The following ANKFY1 variants were observed in gnomAD, a reference collection of about 807,000 sequenced individuals.
ANKFY1 encodes the protein ankyrin repeat and FYVE domain-containing protein 1.
In ANKFY1, 47 loss-of-function variants were observed where a neutral mutation model predicts 128.3. The observed-to-expected ratio is 0.37, with a 90% CI of 0.29 to 0.47. The LOEUF (loss-of-function observed/expected upper bound fraction) is 0.47. Ranked by LOEUF, ANKFY1 falls within the 20% of genes least tolerant of loss-of-function variation. The pLI, the probability that ANKFY1 is intolerant of heterozygous loss-of-function variation, is 1.00. For missense variants in ANKFY1, 1,222 were observed against 1,510.6 expected, an observed-to-expected ratio of 0.81 and a Z score of 3.17; for synonymous variants, 553 against 601.6, an observed-to-expected ratio of 0.92 and a Z score of 1.18.
At position 4,183,858 on chromosome 17, in the gene ANKFY1, G is replaced by A. The variant is rs772833148; in HGVS notation, c.1752C>T (p.Leu584=). 1 of 1,614,120 alleles carries A rather than the reference G, an allele frequency of 6.2e-7. No homozygotes were observed. The highest frequency in any genetic ancestry group is 2.2e-5 in the East Asian group (1 of 44,888). ...GCACAGTCTGGTCTCGGGAATCTTT[G>A]AGGCTGAAGTCCGGAATGATCTGCA... is the stretch of plus-strand genomic sequence containing the variant. ...NNLQIIPDFS[L]KDSRDQTVLG... The change falls in exon 13 of 25, where the codon CTC becomes CTT. Residue 584 remains leucine, a synonymous_variant. Transcript: ENST00000341657.
In ANKFY1 at chr17:4,167,769, G is replaced by T. The variant is rs149788482; in HGVS notation, c.*10C>A. The T allele has an allele frequency of 1.2e-6, 2 of 1,610,612 alleles. No homozygotes were observed. Among genetic ancestry groups the T allele is most frequent in the African/African-American group, 2.7e-5 (2 of 74,814 alleles). ...ACCAAGGACGTGGCCTGGACCCTCC[G>T]GGGGGCTCACTAAGAAACCCCACCC... On this transcript the variant is annotated 3_prime_UTR_variant, in exon 25 of 25. Transcript: ENST00000341657. The surrounding 1 kb of genome is among the most constrained non-coding windows in gnomAD (Gnocchi z 4.1).
At chr17:4,232,987 A>G (rs1025907898) in intron 3 of ANKFY1, among the ~76,000 whole-genome samples, 13 of 152,106 alleles carry the variant, frequency 8.5e-5, no homozygotes, top group African/African-American at 2.9e-4. Flanking sequence ...ACAGTATCCC[A>G]GAAGTCAGAT....
intron 19 of ANKFY1, among the ~76,000 whole-genome samples, chr17:4,175,574 C>G (rs968715154): frequency 6.6e-6 from 1 of 152,198 alleles, no homozygotes; most frequent in Non-Finnish European, 1.5e-5. Context: ...TGTGTACAGG[C>G]ACTGCCTCTG....
chr17:4,249,525 C>T (rs1283066914), intron 1 of ANKFY1, among the ~76,000 whole-genome samples: 1 of 152,188 alleles, frequency 6.6e-6, no homozygotes, highest in African/African-American at 2.4e-5. Flanking sequence ...AGAGGCCATA[C>T]AAGCCCTGTC....
chr17:4,187,093 C>T (rs921499689), intron 11 of ANKFY1: 3 of 1,023,492 alleles, frequency 2.9e-6, no homozygotes, highest in African/African-American at 3.3e-5. Flanking sequence ...TGTTAGTGCA[C>T]CCGTCACCTG....
chr17:4,212,395 A>G (rs2060149059), intron 4 of ANKFY1, among the ~76,000 whole-genome samples: 1 of 152,208 alleles, frequency 6.6e-6, no homozygotes, highest in Non-Finnish European at 1.5e-5. Flanking sequence ...CCTCTATAAA[A>G]TAAAGATGTT....
At chr17:4,247,482 C>T (rs1288708823) in intron 1 of ANKFY1, among the ~76,000 whole-genome samples, 1 of 152,168 alleles carries the variant, frequency 6.6e-6, no homozygotes, top group Non-Finnish European at 1.5e-5. Flanking sequence ...CACCCGGCAG[C>T]TTTTGTCGGG....
At chr17:4,189,326 C>T in intron 11 of ANKFY1, 56 bp downstream of exon 11, 1 of 1,445,014 alleles carries the variant, frequency 6.9e-7, no homozygotes, top group Non-Finnish European at 9.5e-7. Flanking sequence ...ATATCCACCA[C>T]TGCCATTTCT....
At chr17:4,180,474 A>T (rs3931097) in intron 16 of ANKFY1, 76,126 of 151,632 alleles carry the variant, frequency 0.5, 21,376 homozygotes, top group East Asian at 0.75. Context: ...TGAAAACCAT[A>T]AAGTTTGAGC....
At chr17:4,241,005 A>C (rs1967182404) in intron 2 of ANKFY1, among the ~76,000 whole-genome samples, 1 of 152,216 alleles carries the variant, frequency 6.6e-6, no homozygotes, top group African/African-American at 2.4e-5. Flanking sequence ...AACTCACTTA[A>C]TAACAAAAGC....
chr17:4,223,119 G>C, intron 3 of ANKFY1: 1 of 749,790 alleles, frequency 1.3e-6, no homozygotes, highest in South Asian at 1.5e-5. Context: ...ACAAGCATTG[G>C]TCGAAACAAA....
chr17:4,233,213 A>G (rs550812724), intron 3 of ANKFY1, among the ~76,000 whole-genome samples: 2 of 152,184 alleles, frequency 1.3e-5, no homozygotes, highest in African/African-American at 4.8e-5. Flanking sequence ...AATATTTTCC[A>G]TATATTTATT....
intron 1 of ANKFY1, among the ~76,000 whole-genome samples, chr17:4,246,597 T>G (rs935408144): frequency 6.6e-6 from 1 of 152,136 alleles, no homozygotes; most frequent in African/African-American, 2.4e-5. Flanking sequence ...GTTTCCACAG[T>G]GGTAACCTTT....
chr17:4,243,521 A>G (rs1428708559), intron 1 of ANKFY1, among the ~76,000 whole-genome samples: 1 of 152,144 alleles, frequency 6.6e-6, no homozygotes, highest in Non-Finnish European at 1.5e-5. Context: ...TGACAAGCCT[A>G]TGAGGTAGGT....
intron 4 of ANKFY1, among the ~76,000 whole-genome samples, chr17:4,216,284 C>T (rs1421935659): frequency 6.6e-6 from 1 of 152,178 alleles, no homozygotes; most frequent in Non-Finnish European, 1.5e-5. Flanking sequence ...TTTATGCACC[C>T]AAGGGAATAC....
At chr17:4,256,018 A>G (rs1003916823) in intron 1 of ANKFY1, among the ~76,000 whole-genome samples, 3 of 151,800 alleles carry the variant, frequency 2.0e-5, no homozygotes, top group African/African-American at 7.3e-5. Context: ...GGGTTTCACC[A>G]TGTTGCTCAG....
chr17:4,209,172 CTG>C (rs961982041), intron 5 of ANKFY1, among the ~76,000 whole-genome samples: 5 of 152,258 alleles, frequency 3.3e-5, no homozygotes, highest in African/African-American at 1.2e-4. Context: ...AGCTCTGAAA[CTG>C]TGCTGCTGAA....
At chr17:4,193,735 A>G (rs1214035019) in intron 10 of ANKFY1, among the ~76,000 whole-genome samples, 1 of 148,496 alleles carries the variant, frequency 6.7e-6, no homozygotes, top group Non-Finnish European at 1.5e-5. Flanking sequence ...CTGACCTTTA[A>G]TTTTTTTTTA....
At chr17:4,172,943 T>G (rs1317439951) in intron 21 of ANKFY1, among the ~76,000 whole-genome samples, 1 of 152,204 alleles carries the variant, frequency 6.6e-6, no homozygotes, top group Non-Finnish European at 1.5e-5. Flanking sequence ...CACTGCAAGC[T>G]CCGCCTCCCG....
Sources: gnomAD v4.1 joint callset for allele counts (sites outside exome capture counted in the v4.1 genomes callset) on GRCh38, gnomAD v4.1.1 for gene constraint, Gnocchi (gnomAD v3.1) non-coding constraint, MANE v1.5 for transcripts, NCBI Gene and HGNC (gene_info 2026-07-23, HGNC 2026-07-21) for gene names.